Variants in SLC4A10 observed in about 807,000 individuals in gnomAD.
SLC4A10 encodes the protein solute carrier family 4 member 10, also known as sodium-driven chloride bicarbonate exchanger.
A neutral mutation model predicts 137.7 loss-of-function variants in SLC4A10; 42 were observed. The ratio of observed to expected loss-of-function variants is 0.30; its 90% CI spans 0.24 to 0.39. The LOEUF (loss-of-function observed/expected upper bound fraction) is 0.39, where lower values mean the gene tolerates loss of function less well. Ranked by LOEUF, SLC4A10 falls within the 10% of genes least tolerant of loss-of-function variation. SLC4A10 has a pLI of 1.00. For missense variants in SLC4A10, 925 were observed against 1,355.0 expected, an observed-to-expected ratio of 0.68 and a Z score of 4.98; for synonymous variants, 474 against 464.1, an observed-to-expected ratio of 1.02 and a Z score of -0.27.
intron 1 of SLC4A10, among the ~76,000 whole-genome samples, chr2:161,764,851 TA>T (rs2050624849): frequency 6.6e-6 from 1 of 152,016 alleles, no homozygotes; most frequent in Non-Finnish European, 1.5e-5. Flanking sequence ...AATGTAACAA[TA>T]AAAAAATTCT....
At position 161,804,466 on chromosome 2, in the gene SLC4A10, A is replaced by G; in HGVS notation, c.148A>G (p.Ile50Val). 3 of 1,612,754 alleles carry G rather than the reference A, an allele frequency of 1.9e-6. No homozygotes were observed. Among genetic ancestry groups the G allele is most frequent in the African/African-American group, 1.3e-5 (1 of 75,004 alleles). ...EDLEGHRTLFIGVHVPLGGRK... is the reference protein window; with the variant it reads ...EDLEGHRTLFVGVHVPLGGRK... ...TTATGAAGGTCATCGAACACTATTT[A>G]TTGGAGTACATGTGCCCTTGGGAGG... is the stretch of plus-strand genomic sequence containing the variant. The change falls in exon 3 of 27, where the codon ATT (isoleucine) becomes GTT (valine). Residue 50 changes from isoleucine to valine, a missense_variant. This residue lies in a region of SLC4A10 where 138 missense variants were observed against 171.3 expected (regional missense o/e 0.81). Coordinates refer to ENST00000446997, the MANE Select transcript of SLC4A10 (RefSeq NM_001178015.2).
At chr2:161,804,721 G>A (rs1347093524) in intron 3 of SLC4A10, 126 bp downstream of exon 3, 12 of 833,670 alleles carry the variant, frequency 1.4e-5, no homozygotes, top group South Asian at 1.2e-4. Flanking sequence ...ACTTTGGGCC[G>A]GTTGGAGAGA....
At chr2:161,882,322 C>G (rs1462355143) in intron 9 of SLC4A10, 35 bp from the exon 10 acceptor site, 1 of 1,307,204 alleles carries the variant, frequency 7.6e-7, no homozygotes. Context: ...TTTTATATTT[C>G]TACCTTAAAA....
chr2:161,911,167 G>A (rs1018287568), intron 15 of SLC4A10, among the ~76,000 whole-genome samples: 3 of 151,746 alleles, frequency 2.0e-5, no homozygotes, highest in African/African-American at 4.8e-5. Context: ...GACATTACTC[G>A]GCCAATCTTG....
intron 1 of SLC4A10, among the ~76,000 whole-genome samples, chr2:161,636,249 C>T (rs933175098): frequency 6.6e-6 from 1 of 152,014 alleles, no homozygotes; most frequent in African/African-American, 2.4e-5. Flanking sequence ...AGTATTTGTC[C>T]TTCTGTGCTA....
chr2:161,778,103 T>C (rs947461533), intron 2 of SLC4A10, among the ~76,000 whole-genome samples: 1 of 132,120 alleles, frequency 7.6e-6, no homozygotes, highest in Non-Finnish European at 1.6e-5. Context: ...CTTTCTACAG[T>C]CTGAGAACAT....
At chr2:161,872,221 T>G in intron 6 of SLC4A10, 72 bp from the exon 7 acceptor site, 1 of 1,059,976 alleles carries the variant, frequency 9.4e-7, no homozygotes, top group Non-Finnish European at 1.4e-6. Flanking sequence ...TTAATTGAAG[T>G]GCCTATTTCA....
At chr2:161,658,783 G>A (rs1463893662) in intron 1 of SLC4A10, among the ~76,000 whole-genome samples, 1 of 151,858 alleles carries the variant, frequency 6.6e-6, no homozygotes, top group Non-Finnish European at 1.5e-5. Context: ...TAGAGATGGG[G>A]TTTCACCTTT....
chr2:161,765,688 T>C (rs2050732479), intron 1 of SLC4A10, among the ~76,000 whole-genome samples: 2 of 152,120 alleles, frequency 1.3e-5, no homozygotes, highest in South Asian at 4.2e-4. Flanking sequence ...GTTTATGTGT[T>C]TTCTTCCTTA....
At chr2:161,920,450 A>G (rs1034718420) in intron 15 of SLC4A10, among the ~76,000 whole-genome samples, 4 of 152,368 alleles carry the variant, frequency 2.6e-5, no homozygotes, top group Middle Eastern at 6.8e-3. Context: ...GAAGTCTGGA[A>G]GTATTGTATT....
chr2:161,960,850 G>A (rs1376425746), intron 21 of SLC4A10, among the ~76,000 whole-genome samples: 1 of 152,150 alleles, frequency 6.6e-6, no homozygotes, highest in Non-Finnish European at 1.5e-5. Flanking sequence ...AAGGGAGTGT[G>A]GCCCTGGCAA....
intron 15 of SLC4A10, among the ~76,000 whole-genome samples, chr2:161,913,736 T>A (rs932504236): frequency 1.3e-5 from 2 of 152,198 alleles, no homozygotes; most frequent in East Asian, 1.9e-4. Flanking sequence ...GTAATGCTTT[T>A]TCGAAGTAGA....
chr2:161,791,327 G>A (rs991533329), intron 2 of SLC4A10, among the ~76,000 whole-genome samples: 3 of 152,110 alleles, frequency 2.0e-5, no homozygotes, highest in African/African-American at 7.2e-5. Flanking sequence ...GGACCTGGAT[G>A]GAACTGGAAG....
At chr2:161,702,767 C>A (rs531500855) in intron 1 of SLC4A10, among the ~76,000 whole-genome samples, 3 of 151,736 alleles carry the variant, frequency 2.0e-5, no homozygotes, top group Non-Finnish European at 4.4e-5. Flanking sequence ...TTAATAACTT[C>A]TATTCAAAGA....
At chr2:161,942,320 T>C (rs968913824) in intron 15 of SLC4A10, among the ~76,000 whole-genome samples, 7 of 152,150 alleles carry the variant, frequency 4.6e-5, no homozygotes, top group African/African-American at 1.7e-4. Context: ...AGGCTGTTAA[T>C]TTGTGGGTAT....
At chr2:161,697,333 G>A (rs565489535) in intron 1 of SLC4A10, among the ~76,000 whole-genome samples, 1 of 152,186 alleles carries the variant, frequency 6.6e-6, no homozygotes, top group Non-Finnish European at 1.5e-5. Context: ...GTCAATTTTG[G>A]CTTTTGTTGC....
At chr2:161,742,162 T>C (rs944295283) in intron 1 of SLC4A10, among the ~76,000 whole-genome samples, 2 of 152,218 alleles carry the variant, frequency 1.3e-5, no homozygotes, top group African/African-American at 2.4e-5. Flanking sequence ...GATCTCATTC[T>C]TTTTTATGGC....
At chr2:161,841,158 A>G (rs1575224582) in intron 4 of SLC4A10, among the ~76,000 whole-genome samples, 2 of 152,060 alleles carry the variant, frequency 1.3e-5, no homozygotes, top group Admixed American at 1.3e-4. Flanking sequence ...GCTCATTGCA[A>G]CCTCTGCCTC....
chr2:161,933,127 C>CTATTTTTCTT (rs1445026690), intron 15 of SLC4A10, among the ~76,000 whole-genome samples: 3 of 9,206 alleles, frequency 3.3e-4, no homozygotes, highest in African/African-American at 1.1e-3. Context: ...TCTTTCCTGC[C>CTATTTTTCTT]TGTTTTTCTT....
Sources: allele counts gnomAD v4.1 joint callset (sites outside exome capture counted in the v4.1 genomes callset), GRCh38; gene constraint gnomAD v4.1.1; regional missense constraint gnomAD v4.1.1; transcripts MANE v1.5; gene names NCBI Gene and HGNC (gene_info 2026-07-23, HGNC 2026-07-21).